CDK13: variants seen among roughly 807,000 people sequenced by gnomAD.
CDK13 encodes cyclin dependent kinase 13.
CDK13 carries 40 observed loss-of-function variants against 137.6 expected under a neutral mutation model. That is an observed-to-expected ratio of 0.29 (90% CI 0.23 to 0.38). The LOEUF (loss-of-function observed/expected upper bound fraction) is 0.38, where lower values mean the gene tolerates loss of function less well. CDK13 is among the 10% of genes least tolerant of loss of function. The pLI is 1.00. For missense variants in CDK13, 1,704 were observed against 1,951.8 expected (o/e 0.87, Z 2.39); for synonymous variants, 869 against 760.1 (o/e 1.14, Z -2.36).
chr7:40,084,439 T>C lies in CDK13; in HGVS notation c.3030-3687T>C, dbSNP rs370050629. Among the ~76,000 whole-genome samples the C allele has an allele frequency of 3.9e-4, 60 of 152,178 alleles. 1 individual carries two copies. In the South Asian group the frequency reaches 0.012, roughly 31 times the overall value. ...GTTGCAATGAGCTGAGATCACACCA[T>C]TGCACTCCACCCTGGGTGACAAGAG... On this transcript the variant is annotated intron_variant, in intron 11 of 13. Transcript: ENST00000181839.
chr7:39,996,961 C>CAAAAAAA lies in CDK13; in HGVS notation c.1872-524_1872-518dup, dbSNP rs72210233. On this transcript the variant is annotated intron_variant, in intron 2 of 13. Transcript: ENST00000181839. ...CTTGGGTGACAGTGAGATTCCATCT[C>CAAAAAAA]AAAAAAAAAAAAAAAGAAAAAAAAA... is the stretch of plus-strand genomic sequence containing the variant. 2.4e-3 allele frequency among the ~76,000 whole-genome samples: 202 copies of CAAAAAAA among 83,046 alleles called. 5 individuals carry two copies. Among genetic ancestry groups the CAAAAAAA allele is most frequent in the East Asian group, 6.9e-3 (8 of 1,164 alleles). The allele number at this position is 83,046 out of a possible 152,430, so 54.5% of individuals were successfully genotyped here.
At chr7:40,004,339 C>A (rs1784754337) in intron 5 of CDK13, among the ~76,000 whole-genome samples, 1 of 152,086 alleles carries the variant, frequency 6.6e-6, no homozygotes, top group South Asian at 2.1e-4. Flanking sequence ...TATTTGCACC[C>A]TTCATCATCT....
chr7:39,969,071 G>C (rs768170027), intron 1 of CDK13, among the ~76,000 whole-genome samples: 16 of 152,108 alleles, frequency 1.1e-4, no homozygotes, highest in Non-Finnish European at 1.6e-4. Context: ...GTGCAGTGGT[G>C]TGATCTCAGC....
intron 1 of CDK13, among the ~76,000 whole-genome samples, chr7:39,981,397 CAAG>C (rs990611639): frequency 6.6e-6 from 1 of 150,376 alleles, no homozygotes; most frequent in South Asian, 2.1e-4. Flanking sequence ...ATCTATTAAA[CAAG>C]GAGGTTGGAC....
intron 3 of CDK13, chr7:39,998,251 T>C (rs1286460657): frequency 6.7e-6 from 1 of 150,168 alleles, no homozygotes; most frequent in Non-Finnish European, 1.5e-5. Flanking sequence ...GTGAAGACTT[T>C]AAGTTAGATC....
chr7:40,048,125 G>T, intron 7 of CDK13: 1 of 323,420 alleles, frequency 3.1e-6, no homozygotes, highest in Admixed American at 4.5e-5. Flanking sequence ...ATCTTTAAGT[G>T]TAACTGAAGT....
chr7:40,024,660 T>G (rs1197748483), intron 5 of CDK13, among the ~76,000 whole-genome samples: 2 of 129,538 alleles, frequency 1.5e-5, no homozygotes, highest in Non-Finnish European at 3.2e-5. Flanking sequence ...TTTTTTTTTT[T>G]TTTTTTTTTT....
rs770174600 is a variant in CDK13 at position 40,093,050 on chromosome 7, G to T, written c.3501G>T (p.Gln1167His). 6.2e-7 allele frequency: 1 copy of T among 1,614,054 alleles called. No individual in the cohort carries two copies. The highest frequency in any genetic ancestry group is 1.1e-5 in the South Asian group (1 of 91,080). The change falls in exon 13 of 14, where the codon CAG (glutamine) becomes CAT (histidine). Residue 1167 changes from glutamine to histidine, a missense_variant. By Grantham distance (24) the Gln-to-His change is conservative. Coordinates refer to ENST00000181839, the MANE Select transcript of CDK13 (RefSeq NM_003718.5). Reference sequence around the variant, plus strand: ...TTCAGCCTTCTTCTCAGACCATCCAGCCTAAAGTGGAGACTGATGCTGCCC... The same window carrying T: ...TTCAGCCTTCTTCTCAGACCATCCATCCTAAAGTGGAGACTGATGCTGCCC... The part of the protein sequence containing the change: ...GGIQPSSQTI[Q>H]PKVETDAAQA...
Position 39,951,205 on chromosome 7 carries a change from G to T in CDK13, c.564G>T (p.Gln188His), listed in dbSNP as rs1787170977. The T allele has an allele frequency of 8.0e-7, 1 of 1,251,840 alleles. No homozygotes were observed. Among genetic ancestry groups the T allele is most frequent in the African/African-American group, 1.6e-5 (1 of 64,202 alleles). The allele number at this position is 1,251,840 out of a possible 1,614,324, so 77.5% of individuals were successfully genotyped here. ...GTCCGGCCTCCTCCTCCGGCACCCA[G>T]CGGCGCGGGGAGGGGTCGGAGCGCA... Reference protein sequence around the residue: ...GGSPASSSGTQRRGEGSERRP... With the variant: ...GGSPASSSGTHRRGEGSERRP... Residue 188 changes from glutamine (Q) to histidine (H), a missense_variant, in exon 1 of 14, where the codon CAG (glutamine) becomes CAT (histidine). By Grantham distance (24) the Gln-to-His change is conservative (BLOSUM62 0). Around this residue, in one of 5 missense-constraint regions of CDK13, gnomAD observed 1,051 missense variants for 931.0 expected, o/e 1.13. Coordinates refer to ENST00000181839, the MANE Select transcript of CDK13 (RefSeq NM_003718.5).
At chr7:40,074,290 A>C (rs1786490790) in intron 9 of CDK13, among the ~76,000 whole-genome samples, 1 of 152,180 alleles carries the variant, frequency 6.6e-6, no homozygotes, top group Non-Finnish European at 1.5e-5. Flanking sequence ...TGGGAGGCCG[A>C]GGTGGGCGGA....
chr7:40,011,153 T>C (rs750653005), intron 5 of CDK13, among the ~76,000 whole-genome samples: 2 of 152,220 alleles, frequency 1.3e-5, no homozygotes, highest in African/African-American at 2.4e-5. Flanking sequence ...GAGATTCATA[T>C]GCAAATTCAA....
At chr7:39,994,548 G>A (rs1784524276) in intron 2 of CDK13, among the ~76,000 whole-genome samples, 1 of 152,120 alleles carries the variant, frequency 6.6e-6, no homozygotes, top group Non-Finnish European at 1.5e-5. Context: ...TAAAAATGAA[G>A]GGGATGGAGT....
chr7:40,056,220 G>A (rs1236392565), intron 7 of CDK13, among the ~76,000 whole-genome samples: 2 of 152,222 alleles, frequency 1.3e-5, no homozygotes, highest in Non-Finnish European at 2.9e-5. Context: ...GAGGTAGAAA[G>A]TGAGGCATGG....
intron 5 of CDK13, among the ~76,000 whole-genome samples, chr7:40,044,882 C>T (rs1258254457): frequency 1.3e-5 from 2 of 151,602 alleles, no homozygotes; most frequent in Admixed American, 1.3e-4. Context: ...ATGATCCGCC[C>T]ACCTTGGCCT....
intron 5 of CDK13, among the ~76,000 whole-genome samples, chr7:40,003,720 CTG>C (rs1410464811): frequency 1.3e-5 from 2 of 152,164 alleles, no homozygotes; most frequent in Non-Finnish European, 2.9e-5. Flanking sequence ...CTTTTTTGAT[CTG>C]TGAGATCACC....
intron 2 of CDK13, among the ~76,000 whole-genome samples, chr7:39,990,316 T>G (rs1295812633): frequency 6.6e-6 from 1 of 152,142 alleles, no homozygotes; most frequent in Non-Finnish European, 1.5e-5. Context: ...GTTTGTATGT[T>G]TAATGGATAC....
intron 5 of CDK13, among the ~76,000 whole-genome samples, chr7:40,034,479 T>C (rs1222878712): frequency 6.6e-6 from 1 of 152,210 alleles, no homozygotes; most frequent in East Asian, 1.9e-4. Flanking sequence ...TTACTTTTCT[T>C]ATTAAAGATT....
chr7:39,989,616 A>G (rs571298377), intron 2 of CDK13, among the ~76,000 whole-genome samples: 23 of 152,194 alleles, frequency 1.5e-4, no homozygotes, highest in African/African-American at 4.8e-4. Flanking sequence ...TTATACTACT[A>G]TAATTGTTGT....
intron 5 of CDK13, among the ~76,000 whole-genome samples, chr7:40,038,918 C>A (rs1397434660): frequency 6.6e-6 from 1 of 152,142 alleles, no homozygotes; most frequent in Non-Finnish European, 1.5e-5. Context: ...TGGTCTCGAT[C>A]GCCCGACCTC....
Sources: allele counts gnomAD v4.1 joint callset (sites outside exome capture counted in the v4.1 genomes callset), GRCh38; gene constraint gnomAD v4.1.1; regional missense constraint gnomAD v4.1.1; transcripts MANE v1.5; gene names NCBI Gene and HGNC (gene_info 2026-07-23, HGNC 2026-07-21).